PCDHGB6: variants seen among roughly 807,000 people sequenced by gnomAD.
PCDHGB6 encodes protocadherin gamma subfamily B, 6, also known as protocadherin gamma-B6.
Under a neutral mutation model 59.1 loss-of-function variants are expected in PCDHGB6, and 51 were observed. That is an observed-to-expected ratio of 0.86 (90% CI 0.69 to 1.09). The LOEUF (loss-of-function observed/expected upper bound fraction) is 1.09. PCDHGB6 is among the 50% of genes least tolerant of loss of function. PCDHGB6 has a pLI of 0.00. For missense variants in PCDHGB6, 1,148 were observed against 1,205.1 expected (o/e 0.95, Z 0.70); for synonymous variants, 466 against 495.1 (o/e 0.94, Z 0.78).
At position 141,490,649 on chromosome 5, in the gene PCDHGB6, G is replaced by C. The variant is rs1428223995; in HGVS notation, c.2419-4158G>C. 1 of 1,614,148 alleles carries C rather than the reference G, an allele frequency of 6.2e-7. No homozygotes were observed. Among genetic ancestry groups the C allele is most frequent in the Admixed American group, 1.7e-5 (1 of 60,018 alleles). On this transcript the variant is annotated intron_variant, in intron 1 of 3. Coordinates refer to ENST00000520790, the MANE Select transcript of PCDHGB6 (RefSeq NM_018926.3). The surrounding 1 kb of genome is among the most constrained non-coding windows in gnomAD (Gnocchi z 5.4). ...TACATCCTAGAAAACCGGCCTCCGG[G>C]CTCCCTTCTTTGCACTGTGGCTGCC...
chr5:141,506,294 C>T (rs1165174121), intron 3 of PCDHGB6, among the ~76,000 whole-genome samples: 1 of 151,888 alleles, frequency 6.6e-6, no homozygotes, highest in African/African-American at 2.4e-5. Context: ...ACTAAAAATA[C>T]AAAAATTAGC....
intron 1 of PCDHGB6, among the ~76,000 whole-genome samples, chr5:141,425,915 C>G (rs537499239): frequency 1.3e-5 from 2 of 152,336 alleles, no homozygotes; most frequent in East Asian, 3.9e-4. Context: ...AAAACAGTCA[C>G]TACGAAAACT....
intron 1 of PCDHGB6, chr5:141,427,757 C>A: frequency 7.5e-7 from 1 of 1,340,702 alleles, no homozygotes; most frequent in Non-Finnish European, 1.1e-6. Flanking sequence ...CCATCGTTAC[C>A]ACTGACTTGG....
chr5:141,412,343 A>T (rs928223487), intron 1 of PCDHGB6: 2 of 152,166 alleles, frequency 1.3e-5, no homozygotes, highest in African/African-American at 4.8e-5. Context: ...ATATATGTTC[A>T]TTTTAGTTTG....
At chr5:141,478,165 C>G (rs780594020) in intron 1 of PCDHGB6, 13 of 1,613,920 alleles carry the variant, frequency 8.1e-6, no homozygotes, top group African/African-American at 1.3e-5. Flanking sequence ...GCTCTGCCCC[C>G]CGGGAGCAGA....
In PCDHGB6 at chr5:141,512,739, T is replaced by C. The variant is rs1251649814; in HGVS notation, c.*1566T>C. The stretch of plus-strand genomic sequence containing the variant: ...GGCGGGTGGGCAGCGGGCGGCGGGC[T>C]CCGCGCAGCCGTCTGTCCTTGATCT... On this transcript the variant is annotated 3_prime_UTR_variant, in exon 4 of 4. Transcript: ENST00000520790. 1 of 152,822 alleles carries C rather than the reference T, an allele frequency of 6.5e-6. No individual in the cohort carries two copies. The highest frequency in any genetic ancestry group is 2.4e-5 in the African/African-American group (1 of 41,464). 9.5% of individuals were successfully genotyped at this position (152,822 alleles called of 1,614,324 possible).
chr5:141,408,500 A>G lies in PCDHGB6; in HGVS notation c.298A>G (p.Arg100Gly). The G allele has an allele frequency of 6.2e-7, 1 of 1,614,018 alleles. No individual in the cohort carries two copies. The highest frequency in any genetic ancestry group is 8.5e-7 in the Non-Finnish European group (1 of 1,179,886). ...IDREQICKER[R>G]RCELQLEAVV... Reference sequence around the variant, plus strand: ...CCGTGAGCAAATATGCAAAGAGAGAAGAAGATGTGAGTTGCAATTGGAAGC... The same window carrying G: ...CCGTGAGCAAATATGCAAAGAGAGAGGAAGATGTGAGTTGCAATTGGAAGC... Residue 100 changes from arginine (R) to glycine (G), a missense_variant, in exon 1 of 4, where the codon AGA becomes GGA. By Grantham distance (125) the Arg-to-Gly change is moderately radical. Transcript: ENST00000520790.
chr5:141,477,878 C>T lies in PCDHGB6; in HGVS notation c.2419-16929C>T. On this transcript the variant is annotated intron_variant, in intron 1 of 3. Coordinates refer to ENST00000520790, the MANE Select transcript of PCDHGB6 (RefSeq NM_018926.3). The surrounding 1 kb of genome is among the most constrained non-coding windows in gnomAD (Gnocchi z 4.9). ...GCTGCCTCGAGGTACCTCAGCTGGC[C>T]ACCTAGTGTCACGGGTGGTAGGCTG... 2.5e-6 allele frequency: 4 copies of T among 1,614,158 alleles called. No individual in the cohort carries two copies. Among genetic ancestry groups the T allele is most frequent in the Non-Finnish European group, 3.4e-6 (4 of 1,180,008 alleles).
In PCDHGB6 at chr5:141,511,308, G is replaced by A. The variant is rs76613492; in HGVS notation, c.*135G>A. ...AGGGGCCAAGGCCATGCTCCCCTTG[G>A]GAAACAGAAACAAGTGCCCAGTCAG... is the stretch of plus-strand genomic sequence containing the variant. On this transcript the variant is annotated 3_prime_UTR_variant, in exon 4 of 4. Coordinates refer to ENST00000520790, the MANE Select transcript of PCDHGB6 (RefSeq NM_018926.3). 1.1e-3 allele frequency: 1,589 copies of A among 1,487,716 alleles called. 16 individuals carry two copies. In the African/African-American group the frequency reaches 0.021, roughly 19 times the overall value. The allele number at this position is 1,487,716 out of a possible 1,614,324, so 92.2% of individuals were successfully genotyped here.
intron 1 of PCDHGB6, among the ~76,000 whole-genome samples, chr5:141,467,395 G>A (rs1197131223): frequency 6.6e-6 from 1 of 152,056 alleles, no homozygotes; most frequent in African/African-American, 2.4e-5. Flanking sequence ...TTAAGTCATA[G>A]TTAGAAAGCC....
In PCDHGB6 at chr5:141,491,942, C is replaced by A; in HGVS notation, c.2419-2865C>A. The A allele has an allele frequency of 8.9e-7, 1 of 1,122,490 alleles. No individual in the cohort carries two copies. The highest frequency in any genetic ancestry group is 1.2e-6 in the Non-Finnish European group (1 of 824,374). 69.5% of individuals were successfully genotyped at this position (1,122,490 alleles called of 1,614,324 possible). The stretch of plus-strand genomic sequence containing the variant: ...GGCGAGGGGAGGTGGGACCGACCCC[C>A]ACCCCTACACTCAAAAAAGGCCGGG... On this transcript the variant is annotated intron_variant, in intron 1 of 3. Transcript: ENST00000520790. The surrounding 1 kb of genome is among the most constrained non-coding windows in gnomAD (Gnocchi z 6.9).
At chr5:141,450,599 G>T (rs569531886) in intron 1 of PCDHGB6, among the ~76,000 whole-genome samples, 11 of 150,286 alleles carry the variant, frequency 7.3e-5, no homozygotes, top group African/African-American at 2.7e-4. Flanking sequence ...CAATTCTCCT[G>T]CCTCAGCCTC....
intron 1 of PCDHGB6, among the ~76,000 whole-genome samples, chr5:141,475,007 G>A (rs1017671344): frequency 2.0e-5 from 3 of 152,178 alleles, no homozygotes; most frequent in East Asian, 1.9e-4. Flanking sequence ...ATGCAGAAAA[G>A]TTAAGGCTCT....
At chr5:141,459,945 G>T (rs113794146) in intron 1 of PCDHGB6, among the ~76,000 whole-genome samples, 54 of 152,164 alleles carry the variant, frequency 3.5e-4, no homozygotes, top group Middle Eastern at 3.2e-3. Flanking sequence ...GGGCGTGATG[G>T]CAGGTGCCTG....
chr5:141,502,866 CTT>C (rs549047197), intron 2 of PCDHGB6, among the ~76,000 whole-genome samples: 3 of 127,996 alleles, frequency 2.3e-5, no homozygotes, highest in Admixed American at 8.6e-5. Flanking sequence ...GACTCTCTGT[CTT>C]TTTTTTTTTT....
chr5:141,457,023 A>G (rs1339517071), intron 1 of PCDHGB6, among the ~76,000 whole-genome samples: 1 of 152,228 alleles, frequency 6.6e-6, no homozygotes, highest in Non-Finnish European at 1.5e-5. Flanking sequence ...AAAAAGTCCT[A>G]GTAGACTCAG....
In PCDHGB6 at chr5:141,511,318, A is replaced by C; in HGVS notation, c.*145A>C. 2 of 1,476,400 alleles carry C rather than the reference A, an allele frequency of 1.4e-6. No homozygotes were observed. Among genetic ancestry groups the C allele is most frequent in the South Asian group, 2.7e-5 (2 of 72,796 alleles). 91.5% of individuals were successfully genotyped at this position (1,476,400 alleles called of 1,614,324 possible). On this transcript the variant is annotated 3_prime_UTR_variant, in exon 4 of 4. Transcript: ENST00000520790. The stretch of plus-strand genomic sequence containing the variant: ...GCCATGCTCCCCTTGGGAAACAGAA[A>C]CAAGTGCCCAGTCAGCACCTACCCC...
intron 1 of PCDHGB6, chr5:141,418,077 T>C (rs770464447): frequency 6.8e-6 from 11 of 1,613,914 alleles, no homozygotes; most frequent in Non-Finnish European, 8.5e-6. Flanking sequence ...GCGGAGAAGC[T>C]GCACTTCAGC....
At position 141,408,869 on chromosome 5, in the gene PCDHGB6, AG is replaced by A; in HGVS notation, c.668del (p.Ser223MetfsTer6). 6.2e-7 allele frequency: 1 copy of A among 1,613,690 alleles called. No homozygotes were observed. The highest frequency in any genetic ancestry group is 8.5e-7 in the Non-Finnish European group (1 of 1,179,828). ...TALDGGDPPR[S>X]ATAHIEISVK... is the part of the protein sequence containing the mutation. ...CTTGGACGGAGGGGACCCACCAAGA[AG>A]TGCCACCGCTCACATAGAAATTTCT... On this transcript the variant is annotated frameshift_variant, in exon 1 of 4. Transcript: ENST00000520790. LOFTEE classifies it high-confidence loss of function.
Sources: allele counts gnomAD v4.1 joint callset (sites outside exome capture counted in the v4.1 genomes callset), GRCh38; gene constraint gnomAD v4.1.1; non-coding constraint Gnocchi (gnomAD v3.1); transcripts MANE v1.5; gene names NCBI Gene and HGNC (gene_info 2026-07-23, HGNC 2026-07-21).